The following IL16 variants were observed in gnomAD, a reference collection of about 807,000 sequenced individuals.
IL16 encodes pro-interleukin-16.
IL16 carries 67 observed loss-of-function variants against 110.1 expected under a neutral mutation model. The ratio of observed to expected loss-of-function variants is 0.61; its 90% CI spans 0.50 to 0.75. The LOEUF is 0.75. Ranked by LOEUF, IL16 falls within the 30% of genes least tolerant of loss-of-function variation. The pLI is 0.00. For missense variants in IL16, 1,545 were observed against 1,655.0 expected, an observed-to-expected ratio of 0.93 and a Z score of 1.15; for synonymous variants, 689 against 662.9, an observed-to-expected ratio of 1.04 and a Z score of -0.61.
intron 4 of IL16, among the ~76,000 whole-genome samples, chr15:81,268,483 A>C (rs998674703): frequency 5.9e-5 from 9 of 152,268 alleles, no homozygotes; most frequent in Non-Finnish European, 1.0e-4. Flanking sequence ...GAACACAGGC[A>C]GCTCAGAGCC....
chr15:81,192,253 T>C (rs1895509399), upstream of IL16, among the ~76,000 whole-genome samples: 1 of 152,214 alleles, frequency 6.6e-6, no homozygotes, highest in African/African-American at 2.4e-5. Context: ...CTGTACTTTC[T>C]ATGCAATATT....
chr15:81,299,089 C>A (rs1485143869), intron 13 of IL16, among the ~76,000 whole-genome samples: 1 of 152,206 alleles, frequency 6.6e-6, no homozygotes, highest in Non-Finnish European at 1.5e-5. Context: ...GCCCCTTACC[C>A]TTCTTGAAAT....
chr15:81,208,040 T>C (rs1896100663), intron 1 of IL16, among the ~76,000 whole-genome samples: 1 of 152,236 alleles, frequency 6.6e-6, no homozygotes, highest in East Asian at 1.9e-4. Flanking sequence ...CCAGCATCTG[T>C]TGTCTGTTGA....
intron 1 of IL16, among the ~76,000 whole-genome samples, chr15:81,213,955 T>C (rs1896337166): frequency 1.3e-5 from 2 of 152,202 alleles, no homozygotes; most frequent in Non-Finnish European, 1.5e-5. Context: ...ATATAGCTGA[T>C]TGTTATATAG....
chr15:81,256,285 A>G (rs1897941488), intron 2 of IL16, among the ~76,000 whole-genome samples: 1 of 150,878 alleles, frequency 6.6e-6, no homozygotes, highest in Non-Finnish European at 1.5e-5. Context: ...TCTTTTTTTA[A>G]CTTACTATGA....
In IL16 at chr15:81,309,443, T is replaced by A; in HGVS notation, c.*645T>A. 6.5e-6 allele frequency: 1 copy of A among 152,798 alleles called. No homozygotes were observed. Among genetic ancestry groups the A allele is most frequent in the Non-Finnish European group, 1.5e-5 (1 of 68,310 alleles). The allele number at this position is 152,798 out of a possible 1,614,324, so 9.5% of individuals were successfully genotyped here. Reference sequence around the variant, plus strand: ...GCATCCCAGGATCGCAAGAGCCATGTAGAAGCTGCATCTTGTTTATACCTT... The same window carrying A: ...GCATCCCAGGATCGCAAGAGCCATGAAGAAGCTGCATCTTGTTTATACCTT... On this transcript the variant is annotated 3_prime_UTR_variant, in exon 19 of 19. Coordinates refer to ENST00000683961, the MANE Select transcript of IL16 (RefSeq NM_172217.5).
intron 1 of IL16, among the ~76,000 whole-genome samples, chr15:81,210,605 T>C (rs1234493570): frequency 2.0e-5 from 3 of 152,232 alleles, no homozygotes; most frequent in Non-Finnish European, 4.4e-5. Context: ...TCTTTGTGGC[T>C]ATTACAAGTG....
At chr15:81,274,584 A>G (rs1898811332) in intron 6 of IL16, among the ~76,000 whole-genome samples, 1 of 152,280 alleles carries the variant, frequency 6.6e-6, no homozygotes, top group African/African-American at 2.4e-5. Context: ...GACCAGGTCC[A>G]GAAGTCAGTG....
At chr15:81,221,328 C>G (rs1300468521) in intron 1 of IL16, among the ~76,000 whole-genome samples, 4 of 152,100 alleles carry the variant, frequency 2.6e-5, no homozygotes, top group Admixed American at 2.0e-4. Context: ...TGTGGAGGGC[C>G]CACCAGAGGC....
intron 18 of IL16, 25 bp downstream of exon 18, chr15:81,306,570 C>T (rs773271046): frequency 2.1e-5 from 34 of 1,608,598 alleles, no homozygotes; most frequent in Admixed American, 3.3e-5. Context: ...TGGTTCTTTG[C>T]GTGCTCTCCA....
intron 1 of IL16, among the ~76,000 whole-genome samples, chr15:81,197,550 C>T (rs940723364): frequency 1.3e-5 from 2 of 152,066 alleles, no homozygotes; most frequent in Non-Finnish European, 2.9e-5. Context: ...CTGATGGGGG[C>T]TTCTCTGCTG....
chr15:81,219,043 G>A (rs1896530162), intron 1 of IL16, among the ~76,000 whole-genome samples: 1 of 152,002 alleles, frequency 6.6e-6, no homozygotes, highest in South Asian at 2.1e-4. Flanking sequence ...AAGCCATAAA[G>A]GTGTTAAATA....
At chr15:81,233,111 T>G (rs75100221) in intron 2 of IL16, among the ~76,000 whole-genome samples, 4,869 of 152,242 alleles carry the variant, frequency 0.032, 233 homozygotes, top group African/African-American at 0.11. Context: ...TCTGAGAATT[T>G]GTTTCATTTG....
chr15:81,299,284 G>A, intron 13 of IL16, 96 bp from the exon 14 acceptor site: 1 of 1,596,154 alleles, frequency 6.3e-7, no homozygotes, highest in East Asian at 2.2e-5. Flanking sequence ...TCCTCCTCTT[G>A]AATCCTTCTT....
In IL16 at chr15:81,300,106, G is replaced by A. The variant is rs750738616; in HGVS notation, c.2780G>A (p.Arg927Gln). 40 of 1,586,898 alleles carry A rather than the reference G, an allele frequency of 2.5e-5. No individual in the cohort carries two copies. Among genetic ancestry groups the A allele is most frequent in the Admixed American group, 7.1e-5 (4 of 56,644 alleles). Reference sequence around the variant, plus strand: ...GTGTCTGAGTCCCCTCCCCCAGGGCGGCAGCCCAATCAGAAAACTCTCCCC... The same window carrying A: ...GTGTCTGAGTCCCCTCCCCCAGGGCAGCAGCCCAATCAGAAAACTCTCCCC... The part of the protein sequence containing the change: ...PGVSESPPPG[R>Q]QPNQKTLPPG... The change falls in exon 14 of 19, where the codon CGG becomes CAG. Residue 927 changes from arginine (R) to glutamine (Q), a missense_variant. Arg to Gln is a conservative substitution (Grantham distance 43). This residue lies in a region of IL16 where 1,185 missense variants were observed against 1,238.8 expected (regional missense o/e 0.96). Transcript: ENST00000683961.
In IL16 at chr15:81,273,278, A is replaced by T. The variant is rs1567029931; in HGVS notation, c.790+74A>T. ...AATCCAGAATTGCTGGGGCCATAGAAGATGTTGGGAATGCAAAATGTGTCT... is the reference window on the plus strand; with the variant it reads ...AATCCAGAATTGCTGGGGCCATAGATGATGTTGGGAATGCAAAATGTGTCT... On this transcript the variant is annotated intron_variant, in intron 6 of 18. Coordinates refer to ENST00000683961, the MANE Select transcript of IL16 (RefSeq NM_172217.5). The T allele has an allele frequency of 4.5e-6, 5 of 1,122,570 alleles. No individual in the cohort carries two copies. The East Asian group carries it at 1.2e-4, about 28-fold the overall frequency. 69.5% of individuals were successfully genotyped at this position (1,122,570 alleles called of 1,614,324 possible). A position where few individuals can be genotyped will look rare whatever the true frequency, so the allele number is the denominator to read the frequency against.
intron 1 of IL16, among the ~76,000 whole-genome samples, chr15:81,202,571 A>G (rs887575580): frequency 6.7e-6 from 1 of 148,688 alleles, no homozygotes; most frequent in African/African-American, 2.5e-5. Context: ...GAGAACATGC[A>G]GTGTTTGGTT....
At position 81,271,004 on chromosome 15, in the gene IL16, C is replaced by T. The variant is rs562482494; in HGVS notation, c.675+1356C>T. Among the ~76,000 whole-genome samples the T allele has an allele frequency of 6.6e-5, 10 of 152,236 alleles. No homozygotes were observed. The South Asian group carries it at 1.9e-3, about 28-fold the overall frequency. Reference sequence around the variant, plus strand: ...GAGGAGTTAGAGCCAGAGGGATCAGCAAGTGCTTGAGGTAGAGTCAAAAGC... The same window carrying T: ...GAGGAGTTAGAGCCAGAGGGATCAGTAAGTGCTTGAGGTAGAGTCAAAAGC... On this transcript the variant is annotated intron_variant, in intron 5 of 18. Coordinates refer to ENST00000683961, the MANE Select transcript of IL16 (RefSeq NM_172217.5).
intron 2 of IL16, among the ~76,000 whole-genome samples, chr15:81,245,502 G>A (rs1025543733): frequency 6.6e-6 from 1 of 152,094 alleles, no homozygotes; most frequent in African/African-American, 2.4e-5. Flanking sequence ...CAGGATGAAA[G>A]TCCCATCGCT....
Sources: gnomAD v4.1 joint callset for allele counts (sites outside exome capture counted in the v4.1 genomes callset) on GRCh38, gnomAD v4.1.1 for gene constraint, gnomAD v4.1.1 regional missense constraint, MANE v1.5 for transcripts, NCBI Gene and HGNC (gene_info 2026-07-23, HGNC 2026-07-21) for gene names.